CTNNA3: variants seen among roughly 807,000 people sequenced by gnomAD.
CTNNA3 encodes catenin alpha-3.
Under a neutral mutation model 95.7 loss-of-function variants are expected in CTNNA3, and 76 were observed. The observed-to-expected ratio is 0.79, with a 90% CI of 0.66 to 0.96. CTNNA3 has a LOEUF of 0.96. CTNNA3 is among the 40% of genes least tolerant of loss of function. The pLI, the probability that CTNNA3 is intolerant of heterozygous loss-of-function variation, is 0.00. For synonymous variants in CTNNA3, 431 were observed against 374.4 expected (o/e 1.15, Z -1.74); for missense variants, 1,191 against 1,089.8 (o/e 1.09, Z -1.31).
At chr10:67,762,495 G>C (rs1361065923) in intron 1 of CTNNA3, among the ~76,000 whole-genome samples, 1 of 152,008 alleles carries the variant, frequency 6.6e-6, no homozygotes, top group East Asian at 1.9e-4. Flanking sequence ...AAGGGGAAGG[G>C]AAGGTTACAG....
At chr10:66,154,625 G>A (rs2084382571) in intron 13 of CTNNA3, among the ~76,000 whole-genome samples, 1 of 148,834 alleles carries the variant, frequency 6.7e-6, no homozygotes, top group African/African-American at 2.5e-5. Flanking sequence ...AACAATTTTC[G>A]TCAAAGGCAA....
chr10:66,239,723 T>A (rs1258424454), intron 13 of CTNNA3, among the ~76,000 whole-genome samples: 1 of 151,984 alleles, frequency 6.6e-6, no homozygotes, highest in African/African-American at 2.4e-5. Context: ...GGTTTGTTGT[T>A]TTTTTCGTAT....
intron 11 of CTNNA3, among the ~76,000 whole-genome samples, chr10:66,429,384 T>G (rs182505616): frequency 8.2e-4 from 124 of 151,964 alleles, no homozygotes; most frequent in African/African-American, 2.9e-3. Flanking sequence ...AAAGAGGGAA[T>G]CCTCCCTAAC....
chr10:67,097,816 G>A (rs1384950288), intron 7 of CTNNA3: 1 of 1,608,068 alleles, frequency 6.2e-7, no homozygotes, highest in Non-Finnish European at 8.5e-7. Context: ...TTGGTAGCCA[G>A]GGGTTGCTAC....
At chr10:66,727,917 T>C (rs779667379) in intron 9 of CTNNA3, among the ~76,000 whole-genome samples, 1 of 152,202 alleles carries the variant, frequency 6.6e-6, no homozygotes, top group Non-Finnish European at 1.5e-5. Context: ...GAGATGTTTG[T>C]GGATTTATTT....
chr10:67,228,723 A>T (rs1038550073), intron 5 of CTNNA3, among the ~76,000 whole-genome samples: 9 of 152,234 alleles, frequency 5.9e-5, no homozygotes, highest in Non-Finnish European at 1.2e-4. Flanking sequence ...AGAAACCTAG[A>T]AAAGATGGAT....
chr10:66,737,285 T>C (rs1422419989), intron 9 of CTNNA3, among the ~76,000 whole-genome samples: 1 of 152,214 alleles, frequency 6.6e-6, no homozygotes, highest in Non-Finnish European at 1.5e-5. Flanking sequence ...TTTCATATAT[T>C]TATTCTCTGG....
chr10:67,017,806 G>A (rs531921639), intron 7 of CTNNA3, among the ~76,000 whole-genome samples: 2 of 151,994 alleles, frequency 1.3e-5, no homozygotes, highest in African/African-American at 2.4e-5. Flanking sequence ...GTCTCACTCT[G>A]TCACCCAGGC....
At chr10:66,530,491 T>C (rs1278992022) in intron 10 of CTNNA3, among the ~76,000 whole-genome samples, 1 of 152,190 alleles carries the variant, frequency 6.6e-6, no homozygotes, top group Non-Finnish European at 1.5e-5. Flanking sequence ...TTGATAACTT[T>C]TTCTATTTTA....
intron 13 of CTNNA3, among the ~76,000 whole-genome samples, chr10:66,246,879 C>T (rs749034657): frequency 9.9e-5 from 15 of 151,650 alleles, no homozygotes; most frequent in Admixed American, 5.3e-4. Context: ...GGTGAAACCC[C>T]GTCTCTACTA....
intron 1 of CTNNA3, among the ~76,000 whole-genome samples, chr10:67,754,444 G>A (rs1176230966): frequency 2.6e-5 from 4 of 152,024 alleles, no homozygotes; most frequent in Non-Finnish European, 4.4e-5. Flanking sequence ...TCATGCAAAT[G>A]TATCCCAGAA....
At chr10:66,611,685 G>A (rs1208562444) in intron 10 of CTNNA3, among the ~76,000 whole-genome samples, 2 of 151,742 alleles carry the variant, frequency 1.3e-5, no homozygotes, top group South Asian at 2.1e-4. Flanking sequence ...TCATCCCTCT[G>A]GACTTCACTG....
chr10:66,772,176 A>G (rs1840111358), intron 8 of CTNNA3, among the ~76,000 whole-genome samples: 1 of 152,172 alleles, frequency 6.6e-6, no homozygotes, highest in Non-Finnish European at 1.5e-5. Context: ...CTGTAATCCC[A>G]GCACTTTGGG....
chr10:67,498,886 A>T (rs1019827902), intron 5 of CTNNA3, among the ~76,000 whole-genome samples: 1 of 152,196 alleles, frequency 6.6e-6, no homozygotes, highest in African/African-American at 2.4e-5. Context: ...GCAAACAGAG[A>T]CAATTTGACT....
chr10:66,446,229 G>A (rs12775198), intron 11 of CTNNA3, among the ~76,000 whole-genome samples: 57,778 of 151,654 alleles, frequency 0.38, 11,504 homozygotes, highest in African/African-American at 0.5. Flanking sequence ...ATTCACAGCG[G>A]ATTTCTACCA....
chr10:66,391,942 C>G (rs2092936684), intron 11 of CTNNA3, among the ~76,000 whole-genome samples: 1 of 151,778 alleles, frequency 6.6e-6, no homozygotes, highest in Non-Finnish European at 1.5e-5. Flanking sequence ...TATGTTAAAT[C>G]ATAAACCTAC....
intron 5 of CTNNA3, among the ~76,000 whole-genome samples, chr10:67,356,929 A>G (rs1459924258): frequency 6.6e-6 from 1 of 152,126 alleles, no homozygotes; most frequent in Non-Finnish European, 1.5e-5. Flanking sequence ...CTTTAAATTC[A>G]TAATGATAAT....
chr10:67,068,679 TATC>T (rs949823499), intron 7 of CTNNA3, among the ~76,000 whole-genome samples: 2 of 152,164 alleles, frequency 1.3e-5, no homozygotes, highest in African/African-American at 4.8e-5. Flanking sequence ...TAAAATGAGT[TATC>T]AACAGCAAAT....
intron 7 of CTNNA3, among the ~76,000 whole-genome samples, chr10:67,105,625 G>T (rs1261384180): frequency 1.3e-5 from 2 of 152,108 alleles, no homozygotes; most frequent in Non-Finnish European, 2.9e-5. Context: ...TGAAAGATTG[G>T]TCACCGCTGT....
Sources: gnomAD v4.1 joint callset for allele counts (sites outside exome capture counted in the v4.1 genomes callset) on GRCh38, gnomAD v4.1.1 for gene constraint, MANE v1.5 for transcripts, NCBI Gene and HGNC (gene_info 2026-07-23, HGNC 2026-07-21) for gene names.